Variants in LRP1B observed in about 807,000 individuals in gnomAD.
The protein encoded by LRP1B is LDL receptor related protein 1B.
Under a neutral mutation model 556.6 loss-of-function variants are expected in LRP1B, and 217 were observed. The ratio of observed to expected loss-of-function variants is 0.39; its 90% confidence interval spans 0.35 to 0.44. LRP1B has a LOEUF of 0.44. Among genes scored for constraint, LRP1B ranks in the 20% least tolerant of loss-of-function variants. The pLI, the probability that LRP1B is intolerant of heterozygous loss-of-function variation, is 1.00. For missense variants in LRP1B, 5,053 were observed against 5,620.8 expected (o/e 0.90, Z 3.23); for synonymous variants, 2,047 against 1,865.8 (o/e 1.10, Z -2.50).
At chr2:141,544,330 TC>T (rs150697929) in intron 2 of LRP1B, among the ~76,000 whole-genome samples, 5,762 of 41,700 alleles carry the variant, frequency 0.14, 166 homozygotes, top group Non-Finnish European at 0.19. Context: ...TTCTTCTTCT[TC>T]TTCTTCTTCT....
chr2:141,486,529 C>A (rs554832205), intron 2 of LRP1B, among the ~76,000 whole-genome samples: 2 of 152,182 alleles, frequency 1.3e-5, no homozygotes, highest in South Asian at 4.1e-4. Context: ...CAGACACAGG[C>A]AAATAACTGC....
At chr2:142,118,949 G>T (rs866826850) in intron 1 of LRP1B, among the ~76,000 whole-genome samples, 3 of 152,170 alleles carry the variant, frequency 2.0e-5, no homozygotes, top group Middle Eastern at 3.4e-3. Flanking sequence ...AAATTTTGGA[G>T]CCAAATTATC....
intron 53 of LRP1B, among the ~76,000 whole-genome samples, chr2:140,504,279 A>G (rs529309719): frequency 6.6e-6 from 1 of 152,160 alleles, no homozygotes; most frequent in Non-Finnish European, 1.5e-5. Flanking sequence ...TTTTAGCAAC[A>G]TTTTATGTTT....
intron 1 of LRP1B, among the ~76,000 whole-genome samples, chr2:142,037,820 G>T (rs535419082): frequency 6.6e-6 from 1 of 151,614 alleles, no homozygotes; most frequent in African/African-American, 2.4e-5. Context: ...TAAGAGCTGT[G>T]CAGAGAAACA....
intron 11 of LRP1B, among the ~76,000 whole-genome samples, chr2:141,043,929 C>A (rs1452397871): frequency 6.6e-6 from 1 of 151,916 alleles, no homozygotes; most frequent in African/African-American, 2.4e-5. Context: ...CTTTAAAGTT[C>A]ATATGGAACC....
rs115440455 is a variant in LRP1B at position 142,058,461 on chromosome 2, T to C, written c.82+72187A>G. ...CTTTAGCGCAAGCTTGTGCAACCCATGACCCAAGGGCTGCATGTGGGCCAG... is the reference window on the plus strand; with the variant it reads ...CTTTAGCGCAAGCTTGTGCAACCCACGACCCAAGGGCTGCATGTGGGCCAG... On this transcript the variant is annotated intron_variant, in intron 1 of 90. Coordinates refer to ENST00000389484, the MANE Select transcript of LRP1B (RefSeq NM_018557.3). Among the ~76,000 whole-genome samples the C allele has an allele frequency of 9.4e-3, 1,439 of 152,280 alleles. 22 individuals carry two copies. Among genetic ancestry groups the C allele is most frequent in the African/African-American group, 0.033 (1,373 of 41,568 alleles).
intron 1 of LRP1B, among the ~76,000 whole-genome samples, chr2:141,829,182 C>CT (rs1553470341): frequency 6.6e-6 from 1 of 152,020 alleles, no homozygotes; most frequent in Non-Finnish European, 1.5e-5. Context: ...TCTGAGTTAA[C>CT]AAGACAGTTT....
chr2:141,365,487 T>G (rs997632844), intron 3 of LRP1B, among the ~76,000 whole-genome samples: 53 of 149,652 alleles, frequency 3.5e-4, no homozygotes, highest in African/African-American at 1.2e-3. Context: ...GAAGTGTTTT[T>G]TTTTTTTTTT....
intron 83 of LRP1B, among the ~76,000 whole-genome samples, chr2:140,314,452 TTATATGA>T (rs1558793659): frequency 6.6e-6 from 1 of 152,102 alleles, no homozygotes; most frequent in African/African-American, 2.4e-5. Flanking sequence ...CCAAAGCACA[TTATATGA>T]TACAGTGTGA....
At chr2:141,712,304 T>C (rs1692390806) in intron 2 of LRP1B, among the ~76,000 whole-genome samples, 2 of 152,032 alleles carry the variant, frequency 1.3e-5, no homozygotes, top group Non-Finnish European at 2.9e-5. Flanking sequence ...AATAAAATGT[T>C]ACTTTAAAAA....
At chr2:141,497,922 G>A (rs945293550) in intron 2 of LRP1B, among the ~76,000 whole-genome samples, 1 of 151,788 alleles carries the variant, frequency 6.6e-6, no homozygotes, top group African/African-American at 2.4e-5. Context: ...TTTAAGACAT[G>A]TTTCTAAAAG....
At chr2:141,283,141 C>CAAGT (rs1250910374) in intron 3 of LRP1B, among the ~76,000 whole-genome samples, 1 of 151,888 alleles carries the variant, frequency 6.6e-6, no homozygotes, top group Non-Finnish European at 1.5e-5. Context: ...GAGATAAAAA[C>CAAGT]AAGTAAGTAA....
At chr2:140,452,852 G>A (rs1469654428) in intron 62 of LRP1B, among the ~76,000 whole-genome samples, 1 of 151,744 alleles carries the variant, frequency 6.6e-6, no homozygotes, top group Non-Finnish European at 1.5e-5. Context: ...TTCTCCCAGT[G>A]GCAATACAAG....
At chr2:140,594,295 A>C (rs1385652332) in intron 43 of LRP1B, among the ~76,000 whole-genome samples, 1 of 152,192 alleles carries the variant, frequency 6.6e-6, no homozygotes, top group African/African-American at 2.4e-5. Context: ...AAAACAAACA[A>C]GCAAAAATCA....
intron 1 of LRP1B, among the ~76,000 whole-genome samples, chr2:142,018,270 C>G (rs936589130): frequency 6.6e-6 from 1 of 152,040 alleles, no homozygotes; most frequent in African/African-American, 2.4e-5. Flanking sequence ...TCTCCTTTTC[C>G]TGGAATGGCC....
chr2:140,370,660 T>C (rs1558835316), intron 71 of LRP1B, 50 bp downstream of exon 71: 1 of 1,604,322 alleles, frequency 6.2e-7, no homozygotes, highest in Non-Finnish European at 8.5e-7. Flanking sequence ...GCACAGAACC[T>C]TAACTTTCAT....
At chr2:140,234,501 T>C (rs1300557463) in intron 90 of LRP1B, among the ~76,000 whole-genome samples, 3 of 151,264 alleles carry the variant, frequency 2.0e-5, no homozygotes, top group African/African-American at 4.8e-5. Flanking sequence ...CTAGAGCTTC[T>C]TTGCTAAGAA....
At chr2:141,117,560 C>T (rs923520541) in intron 7 of LRP1B, among the ~76,000 whole-genome samples, 2 of 151,912 alleles carry the variant, frequency 1.3e-5, no homozygotes, top group African/African-American at 4.8e-5. Context: ...ATTAGACTAC[C>T]TCACCACTTT....
chr2:141,610,524 A>G (rs1574137866), intron 2 of LRP1B, among the ~76,000 whole-genome samples: 3 of 152,038 alleles, frequency 2.0e-5, no homozygotes, highest in African/African-American at 7.2e-5. Context: ...AGATCTTTCT[A>G]TGTCAGGTCA....
Sources: gnomAD v4.1 joint callset for allele counts (sites outside exome capture counted in the v4.1 genomes callset) on GRCh38, gnomAD v4.1.1 for gene constraint, MANE v1.5 for transcripts, NCBI Gene and HGNC (gene_info 2026-07-23, HGNC 2026-07-21) for gene names.